Variants in ZNF536 observed in about 807,000 individuals in gnomAD.
ZNF536 encodes the protein zinc finger protein 536.
A neutral mutation model predicts 84.5 loss-of-function variants in ZNF536; 13 were observed. That is an observed-to-expected ratio of 0.15 (90% CI 0.10 to 0.24). ZNF536 has a LOEUF of 0.24. ZNF536 is among the 10% of genes least tolerant of loss of function. The probability of loss-of-function intolerance (pLI) is 1.00; values close to 1 mark genes in which losing one functional copy is unlikely to be tolerated. For missense variants in ZNF536, 1,536 were observed against 1,747.5 expected, an observed-to-expected ratio of 0.88 and a Z score of 2.16; for synonymous variants, 811 against 742.5, an observed-to-expected ratio of 1.09 and a Z score of -1.50.
intron 2 of ZNF536, among the ~76,000 whole-genome samples, chr19:30,459,307 T>G (rs2053021961): frequency 6.6e-6 from 1 of 151,446 alleles, no homozygotes; most frequent in Non-Finnish European, 1.5e-5. Context: ...TCTTTCTTTC[T>G]TTTCCTTTCC....
intron 1 of ZNF536, among the ~76,000 whole-genome samples, chr19:30,235,160 G>A (rs1271811177): frequency 6.6e-6 from 1 of 152,180 alleles, no homozygotes; most frequent in East Asian, 1.9e-4. Flanking sequence ...ATCTTGCTTA[G>A]TTCTTTTAAT....
chr19:30,675,682 C>A (rs1389359088), intron 1 of ZNF536, among the ~76,000 whole-genome samples: 2 of 152,170 alleles, frequency 1.3e-5, no homozygotes, highest in Non-Finnish European at 2.9e-5. Flanking sequence ...TGCGCCCACT[C>A]TGATTTCTCT....
At chr19:30,341,507 C>T (rs1047408732) in intron 2 of ZNF536, among the ~76,000 whole-genome samples, 2 of 152,180 alleles carry the variant, frequency 1.3e-5, no homozygotes, top group African/African-American at 4.8e-5. Context: ...CTTCTCCTCT[C>T]GTGATTGATA....
At chr19:30,673,965 C>A (rs777830314) in intron 1 of ZNF536, among the ~76,000 whole-genome samples, 8 of 152,208 alleles carry the variant, frequency 5.3e-5, no homozygotes, top group Non-Finnish European at 1.2e-4. Flanking sequence ...GCTTCATCTC[C>A]GCACTTGGGT....
At chr19:30,530,135 C>T (rs946483210) in intron 2 of ZNF536, among the ~76,000 whole-genome samples, 16 of 152,178 alleles carry the variant, frequency 1.1e-4, no homozygotes, top group Admixed American at 6.5e-4. Flanking sequence ...CAGATGGCAG[C>T]GTTGAGGCTG....
chr19:30,380,367 T>C (rs1447937289), intron 1 of ZNF536, among the ~76,000 whole-genome samples: 1 of 152,060 alleles, frequency 6.6e-6, no homozygotes, highest in African/African-American at 2.4e-5. Context: ...GGTGTCAGTG[T>C]TGGAGACGGG....
At chr19:30,300,494 C>A (rs767501103) in intron 2 of ZNF536, 2 of 152,094 alleles carry the variant, frequency 1.3e-5, no homozygotes, top group Non-Finnish European at 2.9e-5. Context: ...CAGCCAGCCT[C>A]GTTATGGAAA....
intron 1 of ZNF536, among the ~76,000 whole-genome samples, chr19:30,374,062 T>A (rs2048713870): frequency 6.6e-6 from 1 of 152,232 alleles, no homozygotes; most frequent in South Asian, 2.1e-4. Context: ...TATTATTATT[T>A]TTTAATGGTG....
intron 1 of ZNF536, among the ~76,000 whole-genome samples, chr19:30,259,920 T>C (rs1202700128): frequency 3.2e-5 from 1 of 30,956 alleles, no homozygotes; most frequent in African/African-American, 2.1e-4. Context: ...CCAGCTAATT[T>C]TTTTTTTTTT....
intron 2 of ZNF536, among the ~76,000 whole-genome samples, chr19:30,342,409 TA>T (rs770217953): frequency 1.3e-5 from 2 of 152,234 alleles, no homozygotes; most frequent in Non-Finnish European, 2.9e-5. Context: ...TGAGATCATG[TA>T]TTCAAACAAA....
intron 1 of ZNF536, among the ~76,000 whole-genome samples, chr19:30,580,957 G>A (rs1000681112): frequency 2.6e-5 from 4 of 152,176 alleles, no homozygotes; most frequent in African/African-American, 9.7e-5. Flanking sequence ...GAGCCCATCG[G>A]TCCTCATTCG....
intron 2 of ZNF536, among the ~76,000 whole-genome samples, chr19:30,308,394 G>T (rs986710145): frequency 2.0e-5 from 3 of 152,112 alleles, no homozygotes; most frequent in African/African-American, 7.2e-5. Flanking sequence ...AAACAAAGAG[G>T]ATTATCAGTC....
chr19:30,425,847 A>G (rs1054400342), intron 1 of ZNF536, among the ~76,000 whole-genome samples: 6 of 152,216 alleles, frequency 3.9e-5, no homozygotes, highest in Non-Finnish European at 7.4e-5. Flanking sequence ...GGGTTCTCCC[A>G]TGTAGGGACT....
intron 1 of ZNF536, among the ~76,000 whole-genome samples, chr19:30,245,621 A>T (rs2024214772): frequency 6.6e-6 from 1 of 152,236 alleles, no homozygotes; most frequent in Non-Finnish European, 1.5e-5. Flanking sequence ...CTCCCAGCCC[A>T]CCACGAGGTC....
chr19:30,368,475 C>T (rs1011695885), upstream of ZNF536, among the ~76,000 whole-genome samples: 8 of 152,222 alleles, frequency 5.3e-5, no homozygotes, highest in African/African-American at 1.9e-4. Context: ...TGCTGATGTG[C>T]CTGCGAGGGC....
chr19:30,689,055 G>C (rs2051307097), intron 1 of ZNF536, among the ~76,000 whole-genome samples: 1 of 152,210 alleles, frequency 6.6e-6, no homozygotes, highest in Non-Finnish European at 1.5e-5. Context: ...CATCCCCTTA[G>C]ACCTGGCCAT....
chr19:30,632,538 G>A lies in ZNF536; in HGVS notation c.170-78219G>A, dbSNP rs145476149. ...GGAGAATCGCTTGAACCTGGGAGGT[G>A]GAGGTTGCAGTGAGGTGAGATCACG... On this transcript the variant is annotated intron_variant, in intron 1 of 1. Coordinates refer to the ZNF536 transcript ENST00000592773. 1.1e-4 allele frequency among the ~76,000 whole-genome samples: 16 copies of A among 152,272 alleles called. No individual in the cohort carries two copies. The East Asian group carries it at 3.1e-3, about 29-fold the overall frequency.
intron 1 of ZNF536, among the ~76,000 whole-genome samples, chr19:30,240,525 C>T (rs1008999012): frequency 1.3e-5 from 2 of 152,230 alleles, no homozygotes; most frequent in African/African-American, 2.4e-5. Context: ...CTGCAGGTTG[C>T]TCTGCCTGGG....
intron 4 of ZNF536, chr19:30,555,918 A>C (rs2045950256): frequency 6.6e-6 from 1 of 152,198 alleles, no homozygotes; most frequent in South Asian, 2.1e-4. Flanking sequence ...CCAGCACAAG[A>C]AGGCAATTGG....
Sources: gnomAD v4.1 joint callset for allele counts (sites outside exome capture counted in the v4.1 genomes callset) on GRCh38, gnomAD v4.1.1 for gene constraint, MANE v1.5 for transcripts, NCBI Gene and HGNC (gene_info 2026-07-23, HGNC 2026-07-21) for gene names.